The following ZDHHC14 variants were observed in gnomAD, a reference collection of about 807,000 sequenced individuals.
ZDHHC14 encodes zDHHC palmitoyltransferase 14.
In ZDHHC14, 16 loss-of-function variants were observed where a neutral mutation model predicts 47.7. The ratio of observed to expected loss-of-function variants is 0.34; its 90% CI spans 0.23 to 0.51. The LOEUF (loss-of-function observed/expected upper bound fraction) is 0.51. ZDHHC14 is among the 20% of genes least tolerant of loss of function. The pLI is 0.97. For missense variants in ZDHHC14, 515 were observed against 662.5 expected (o/e 0.78, Z 2.44); for synonymous variants, 293 against 278.9 (o/e 1.05, Z -0.50).
At chr6:157,523,386 G>A (rs957315111) in intron 1 of ZDHHC14, among the ~76,000 whole-genome samples, 2 of 152,080 alleles carry the variant, frequency 1.3e-5, no homozygotes, top group African/African-American at 4.8e-5. Context: ...CATTGCTATT[G>A]ACTTTTTGTT....
At chr6:157,482,541 A>G (rs1779657869) in intron 1 of ZDHHC14, among the ~76,000 whole-genome samples, 1 of 151,966 alleles carries the variant, frequency 6.6e-6, no homozygotes, top group African/African-American at 2.4e-5. Context: ...GGCATGAGCC[A>G]CCACGCCTGG....
chr6:157,675,328 A>AGCC lies in ZDHHC14; in HGVS notation c.*2206_*2207insGCC. On this transcript the variant is annotated 3_prime_UTR_variant, in exon 9 of 9. Transcript: ENST00000359775. ...TGTGACCAGCCCTTCTTCCCACCTC[A>AGCC]CTGTGAAAAATTCCCAGAAGCCAGG... 2 of 152,194 alleles carry AGCC rather than the reference A, an allele frequency of 1.3e-5. No homozygotes were observed. The highest frequency in any genetic ancestry group is 1.3e-4 in the Admixed American group (2 of 15,294). 9.4% of individuals were successfully genotyped at this position (152,194 alleles called of 1,614,324 possible). A position where few individuals can be genotyped will look rare whatever the true frequency, so the allele number is the denominator to read the frequency against.
Position 157,672,721 on chromosome 6 carries a change from C to T in ZDHHC14, c.1069-3C>T, listed in dbSNP as rs771804991. On this transcript the variant is annotated splice_region_variant and splice_polypyrimidine_tract_variant and intron_variant, in intron 8 of 8. Coordinates refer to ENST00000359775, the MANE Select transcript of ZDHHC14 (RefSeq NM_024630.3). The stretch of plus-strand genomic sequence containing the variant: ...CTCTTTGCTGGCGCCTCCCGCTCTC[C>T]AGTGCGACCAAGACCAGTGCATTCA... 7.5e-6 allele frequency: 12 copies of T among 1,610,574 alleles called. No homozygotes were observed. In the African/African-American group the frequency reaches 1.6e-4, roughly 22 times the overall value.
intron 8 of ZDHHC14, among the ~76,000 whole-genome samples, chr6:157,659,469 C>T (rs911451742): frequency 1.3e-5 from 2 of 152,328 alleles, no homozygotes; most frequent in Admixed American, 6.5e-5. Context: ...GACAAATGAG[C>T]TGAAATATTT....
chr6:157,636,340 T>TGG (rs1444067357), intron 5 of ZDHHC14, among the ~76,000 whole-genome samples: 2 of 150,514 alleles, frequency 1.3e-5, no homozygotes, highest in Non-Finnish European at 1.5e-5. Context: ...TATATAAGTG[T>TGG]GTGTGTGTGT....
At chr6:157,410,513 C>G (rs892178488) in intron 1 of ZDHHC14, among the ~76,000 whole-genome samples, 3 of 152,112 alleles carry the variant, frequency 2.0e-5, no homozygotes, top group Admixed American at 2.0e-4. Flanking sequence ...AACTCATTAC[C>G]AACTCAATTA....
intron 3 of ZDHHC14, among the ~76,000 whole-genome samples, chr6:157,612,175 C>T (rs971845758): frequency 6.6e-6 from 1 of 152,178 alleles, no homozygotes; most frequent in African/African-American, 2.4e-5. Context: ...AGGTGGATCC[C>T]AGCTTAAACC....
intron 8 of ZDHHC14, among the ~76,000 whole-genome samples, chr6:157,661,121 G>C (rs1266824147): frequency 6.6e-6 from 1 of 152,122 alleles, no homozygotes; most frequent in African/African-American, 2.4e-5. Flanking sequence ...TGTTTCAAGA[G>C]GGGGTGCAAG....
At chr6:157,450,047 C>T (rs533484016) in intron 1 of ZDHHC14, among the ~76,000 whole-genome samples, 12 of 152,098 alleles carry the variant, frequency 7.9e-5, no homozygotes, top group African/African-American at 2.2e-4. Flanking sequence ...TAGCAGTGTC[C>T]GCTATATCAT....
intron 3 of ZDHHC14, among the ~76,000 whole-genome samples, chr6:157,600,822 T>C (rs1784309792): frequency 6.6e-6 from 1 of 152,142 alleles, no homozygotes; most frequent in African/African-American, 2.4e-5. Context: ...GCTCCAATGG[T>C]TATGTCACGT....
intron 5 of ZDHHC14, among the ~76,000 whole-genome samples, chr6:157,634,071 T>C (rs1776846348): frequency 6.6e-6 from 1 of 152,232 alleles, no homozygotes; most frequent in Non-Finnish European, 1.5e-5. Context: ...GGGAGGGATT[T>C]CGATACATCT....
intron 2 of ZDHHC14, among the ~76,000 whole-genome samples, chr6:157,571,785 T>A (rs901538586): frequency 2.0e-5 from 3 of 151,148 alleles, no homozygotes; most frequent in African/African-American, 7.3e-5. Context: ...TATTTTTTTT[T>A]TTTTTTTTTT....
At chr6:157,517,858 A>C (rs1780755456) in intron 1 of ZDHHC14, among the ~76,000 whole-genome samples, 2 of 152,178 alleles carry the variant, frequency 1.3e-5, no homozygotes, top group African/African-American at 4.8e-5. Flanking sequence ...TGTCACCTAC[A>C]GAGGAGGGTT....
rs1324904061 is a variant in ZDHHC14, at chr6:157,427,286, T to C, written c.245+45020T>C. 1.3e-5 allele frequency among the ~76,000 whole-genome samples: 2 copies of C among 152,082 alleles called. No homozygotes were observed. Among genetic ancestry groups the C allele is most frequent in the African/African-American group, 4.8e-5 (2 of 41,412 alleles). ...GTGTGATGGTTGATTTTAAACATAA[T>C]ACAGCAAGTGGGCAGAGATGTGAGG... is the stretch of plus-strand genomic sequence containing the variant. On this transcript the variant is annotated intron_variant, in intron 1 of 8. Coordinates refer to ENST00000359775, the MANE Select transcript of ZDHHC14 (RefSeq NM_024630.3). The surrounding 1 kb of genome is among the most constrained non-coding windows in gnomAD (Gnocchi z 4.4).
Position 157,536,819 on chromosome 6 carries a change from C to CTTTTTTTTTTTTTTTT in ZDHHC14, c.246-5764_246-5749dup, listed in dbSNP as rs768063106. 6.6e-3 allele frequency among the ~76,000 whole-genome samples: 649 copies of CTTTTTTTTTTTTTTTT among 97,846 alleles called. 54 individuals are homozygous for CTTTTTTTTTTTTTTTT. Among genetic ancestry groups the CTTTTTTTTTTTTTTTT allele is most frequent in the Non-Finnish European group, 0.01 (531 of 52,536 alleles). The allele number at this position is 97,846 out of a possible 152,430, so 64.2% of individuals were successfully genotyped here. ...TCTGTCTATCTATCCCTCCATCTAT[C>CTTTTTTTTTTTTTTTT]TTTTTTTTTTTTTTTTTGAGACAGA... is the stretch of plus-strand genomic sequence containing the variant. On this transcript the variant is annotated intron_variant, in intron 1 of 8. Coordinates refer to ENST00000359775, the MANE Select transcript of ZDHHC14 (RefSeq NM_024630.3).
At position 157,413,818 on chromosome 6, in the gene ZDHHC14, A is replaced by T. The variant is rs575006016; in HGVS notation, c.245+31552A>T. Reference sequence around the variant, plus strand: ...TCCATCCATGTGGCTTCTCATGGACATCTGTGATGAGTTACAAGGTGTCTG... The same window carrying T: ...TCCATCCATGTGGCTTCTCATGGACTTCTGTGATGAGTTACAAGGTGTCTG... On this transcript the variant is annotated intron_variant, in intron 1 of 8. Transcript: ENST00000359775. 2.0e-5 allele frequency among the ~76,000 whole-genome samples: 3 copies of T among 152,242 alleles called. No homozygotes were observed. In the East Asian group the frequency reaches 5.8e-4, roughly 29 times the overall value.
At chr6:157,510,913 C>CTGCCCATGTTTT (rs1392590956) in intron 1 of ZDHHC14, among the ~76,000 whole-genome samples, 1 of 152,266 alleles carries the variant, frequency 6.6e-6, no homozygotes, top group Non-Finnish European at 1.5e-5. Context: ...GGGCTGCTTC[C>CTGCCCATGTTTT]TGCCCATGTT....
chr6:157,660,753 C>T (rs934321480), intron 8 of ZDHHC14, among the ~76,000 whole-genome samples: 1 of 152,186 alleles, frequency 6.6e-6, no homozygotes, highest in Non-Finnish European at 1.5e-5. Flanking sequence ...CTATTGAGAA[C>T]CATCGACACA....
chr6:157,490,112 G>A lies in ZDHHC14; in HGVS notation c.246-52473G>A, dbSNP rs1779877603. On this transcript the variant is annotated intron_variant, in intron 1 of 8. Coordinates refer to ENST00000359775, the MANE Select transcript of ZDHHC14 (RefSeq NM_024630.3). ...CCTCAGTTTCTAGATAGAGAAACAC[G>A]GTGGACGCTCATGCCATTTACCGGA... Among the ~76,000 whole-genome samples, 3 of 152,142 alleles carry A rather than the reference G, an allele frequency of 2.0e-5. 1 individual carries two copies. Among genetic ancestry groups the A allele is most frequent in the South Asian group, 4.1e-4 (2 of 4,828 alleles).
Sources: gnomAD v4.1 joint callset for allele counts (sites outside exome capture counted in the v4.1 genomes callset) on GRCh38, gnomAD v4.1.1 for gene constraint, Gnocchi (gnomAD v3.1) non-coding constraint, MANE v1.5 for transcripts, NCBI Gene and HGNC (gene_info 2026-07-23, HGNC 2026-07-21) for gene names.